Variants in STK4 observed in about 807,000 individuals in gnomAD.
STK4 encodes the protein serine/threonine-protein kinase 4.
A neutral mutation model predicts 64.9 loss-of-function variants in STK4; 30 were observed. The ratio of observed to expected loss-of-function variants is 0.46; its 90% CI spans 0.35 to 0.63. The LOEUF is 0.63. STK4 is among the 20% of genes least tolerant of loss of function. STK4 has a pLI of 0.01. For missense variants in STK4, 466 were observed against 598.5 expected, an observed-to-expected ratio of 0.78 and a Z score of 2.31; for synonymous variants, 177 against 199.0, an observed-to-expected ratio of 0.89 and a Z score of 0.93.
At chr20:45,059,584 A>G (rs1978812401) in intron 10 of STK4, among the ~76,000 whole-genome samples, 1 of 152,194 alleles carries the variant, frequency 6.6e-6, no homozygotes, top group Non-Finnish European at 1.5e-5. Flanking sequence ...AGGACAGCGC[A>G]GGATTTCATC....
intron 10 of STK4, among the ~76,000 whole-genome samples, chr20:45,073,350 AG>A (rs1347920666): frequency 6.6e-6 from 1 of 152,032 alleles, no homozygotes; most frequent in African/African-American, 2.4e-5. Context: ...TTGAACTATT[AG>A]GGTTTTCTCA....
At chr20:44,984,186 G>T (rs376689017) in intron 4 of STK4, among the ~76,000 whole-genome samples, 22 of 76,076 alleles carry the variant, frequency 2.9e-4, no homozygotes, top group East Asian at 4.2e-4. Context: ...TGTTGTCGTT[G>T]TTTTTTTTTT....
intron 2 of STK4, among the ~76,000 whole-genome samples, chr20:44,977,194 G>C (rs1043975560): frequency 1.3e-5 from 2 of 152,116 alleles, no homozygotes; most frequent in African/African-American, 4.8e-5. Flanking sequence ...AAAAGTATTT[G>C]GTGTAATATT....
chr20:44,980,731 C>T (rs141401401), intron 3 of STK4, among the ~76,000 whole-genome samples: 307 of 152,232 alleles, frequency 2.0e-3, no homozygotes, highest in African/African-American at 6.8e-3. Flanking sequence ...TGCAGTGGCG[C>T]GATCTCGACT....
chr20:45,034,614 C>G (rs1351549333), intron 10 of STK4, among the ~76,000 whole-genome samples: 1 of 151,540 alleles, frequency 6.6e-6, no homozygotes, highest in Admixed American at 6.6e-5. Context: ...GTGATATTGG[C>G]ATAAGAATAG....
chr20:45,063,460 G>A (rs758651172), intron 10 of STK4, among the ~76,000 whole-genome samples: 11 of 152,140 alleles, frequency 7.2e-5, no homozygotes, highest in Non-Finnish European at 1.5e-4. Context: ...TTATAAATTC[G>A]TTTAAGTTCC....
chr20:45,013,189 A>C lies in STK4; in HGVS notation c.1148-11784A>C, dbSNP rs552865845. On this transcript the variant is annotated intron_variant, in intron 9 of 10. Coordinates refer to ENST00000372806, the MANE Select transcript of STK4 (RefSeq NM_006282.5). ...TGTCTTGTTGCTCACTTTAAAGAAA[A>C]TTCTTGGGATTTTTTACCATGGAGT... Among the ~76,000 whole-genome samples, 4 of 152,030 alleles carry C rather than the reference A, an allele frequency of 2.6e-5. No homozygotes were observed. In the South Asian group the frequency reaches 6.2e-4, roughly 24 times the overall value.
At chr20:45,034,196 G>A (rs1340999072) in intron 10 of STK4, among the ~76,000 whole-genome samples, 4 of 151,828 alleles carry the variant, frequency 2.6e-5, no homozygotes, top group Non-Finnish European at 5.9e-5. Flanking sequence ...TTATAAATAA[G>A]TTAAAAATAG....
intron 5 of STK4, 29 bp downstream of exon 5, chr20:44,987,325 A>C (rs767621792): frequency 6.3e-7 from 1 of 1,584,902 alleles, no homozygotes; most frequent in Admixed American, 1.9e-5. Context: ...TGTATTGATA[A>C]TTTTCATTTC....
At chr20:44,992,282 A>G (rs2067649501) in intron 5 of STK4, among the ~76,000 whole-genome samples, 1 of 150,762 alleles carries the variant, frequency 6.6e-6, no homozygotes, top group Non-Finnish European at 1.5e-5. Flanking sequence ...TTTTTGAGAC[A>G]AGGTCTTGCC....
At chr20:44,966,739 G>C in intron 1 of STK4, 136 bp downstream of exon 1, 1 of 1,041,014 alleles carries the variant, frequency 9.6e-7, no homozygotes. Context: ...GAGTGAGGGG[G>C]GGGACGTCTG....
intron 9 of STK4, among the ~76,000 whole-genome samples, chr20:45,014,803 A>T (rs2068112486): frequency 6.6e-6 from 1 of 152,100 alleles, no homozygotes; most frequent in South Asian, 2.1e-4. Flanking sequence ...AGCCCTGGTC[A>T]CCCCTCCTCA....
intron 9 of STK4, among the ~76,000 whole-genome samples, chr20:45,023,964 G>A (rs1013381915): frequency 3.2e-4 from 47 of 145,018 alleles, no homozygotes; most frequent in Non-Finnish European, 6.3e-4. Flanking sequence ...GCAGTGGCGC[G>A]ATCTCAGCTA....
intron 5 of STK4, among the ~76,000 whole-genome samples, chr20:44,988,696 T>C (rs977368192): frequency 8.6e-5 from 13 of 151,654 alleles, no homozygotes; most frequent in African/African-American, 3.1e-4. Flanking sequence ...ATTCAGTGTT[T>C]AGTATATTCA....
In STK4 at chr20:44,997,188, C is replaced by G. The variant is rs750661803; in HGVS notation, c.713C>G (p.Thr238Arg). 21 of 1,613,844 alleles carry G rather than the reference C, an allele frequency of 1.3e-5. No individual in the cohort carries two copies. In the African/African-American group the frequency reaches 2.1e-4, roughly 16 times the overall value. Residue 238 changes from threonine to arginine, a missense_variant, in exon 7 of 11, where the codon ACA becomes AGA. Around this residue, in one of 2 missense-constraint regions of STK4, gnomAD observed 276 missense variants for 308.9 expected, o/e 0.89. Transcript: ENST00000372806. ...AACCAGGCAATCTTCATGATTCCTA[C>G]AAATCCTCCTCCCACATTCCGAAAA... The part of the protein sequence containing the change: ...HPMRAIFMIP[T>R]NPPPTFRKPE...
rs184873923 is a variant in STK4 at position 45,026,737 on chromosome 20, C to T, written c.1305+1607C>T. Among the ~76,000 whole-genome samples, 268 of 152,228 alleles carry T rather than the reference C, an allele frequency of 1.8e-3. 2 individuals carry two copies. The South Asian group carries it at 0.024, about 13-fold the overall frequency. Reference sequence around the variant, plus strand: ...TTAATACATTATAGGAGAACTGTAGCGTTTCTGAACACAGGTGCAGTGTTT... The same window carrying T: ...TTAATACATTATAGGAGAACTGTAGTGTTTCTGAACACAGGTGCAGTGTTT... On this transcript the variant is annotated intron_variant, in intron 10 of 10. Transcript: ENST00000372806.
chr20:45,055,241 A>G lies in STK4; in HGVS notation c.1306-19777A>G, dbSNP rs150014657. The stretch of plus-strand genomic sequence containing the variant: ...TGTCTCTATTTTCAGAGATGGTTTC[A>G]TCCTCTGTGGCTCTGTCATTTGAGT... On this transcript the variant is annotated intron_variant, in intron 10 of 10. Transcript: ENST00000372806. Among the ~76,000 whole-genome samples, 226 of 152,250 alleles carry G rather than the reference A, an allele frequency of 1.5e-3. 2 individuals carry two copies. Among genetic ancestry groups the G allele is most frequent in the African/African-American group, 5.4e-3 (223 of 41,528 alleles).
At chr20:45,029,429 A>G (rs2068407986) in intron 10 of STK4, among the ~76,000 whole-genome samples, 1 of 152,204 alleles carries the variant, frequency 6.6e-6, no homozygotes, top group African/African-American at 2.4e-5. Flanking sequence ...TGTTAAGATA[A>G]TTTACTTAAT....
At chr20:45,041,534 C>A (rs551907068) in intron 10 of STK4, among the ~76,000 whole-genome samples, 1 of 152,160 alleles carries the variant, frequency 6.6e-6, no homozygotes, top group African/African-American at 2.4e-5. Context: ...TCTGATGATA[C>A]ACATTTAGGT....
Sources: gnomAD v4.1 joint callset for allele counts (sites outside exome capture counted in the v4.1 genomes callset) on GRCh38, gnomAD v4.1.1 for gene constraint, gnomAD v4.1.1 regional missense constraint, MANE v1.5 for transcripts, NCBI Gene and HGNC (gene_info 2026-07-23, HGNC 2026-07-21) for gene names.